TRIP12: variants seen among roughly 807,000 people sequenced by gnomAD.
TRIP12 encodes E3 ubiquitin-protein ligase TRIP12.
Under a neutral mutation model 244.2 loss-of-function variants are expected in TRIP12, and 25 were observed. The ratio of observed to expected loss-of-function variants is 0.10; its 90% confidence interval spans 0.07 to 0.14. TRIP12 has a LOEUF of 0.14. TRIP12 is among the 10% of genes least tolerant of loss of function. TRIP12 has a pLI of 1.00. For missense variants in TRIP12, 1,677 were observed against 2,486.4 expected (o/e 0.67, Z 6.92); for synonymous variants, 905 against 873.1 (o/e 1.04, Z -0.64).
intron 2 of TRIP12, among the ~76,000 whole-genome samples, chr2:229,867,896 GC>G (rs540508471): frequency 5.3e-5 from 8 of 152,112 alleles, no homozygotes; most frequent in African/African-American, 1.9e-4. Flanking sequence ...TACTTTGTAG[GC>G]CCCCCCAAAA....
In TRIP12 at chr2:229,897,829, C is replaced by T. The variant is rs1468446273; in HGVS notation, c.-49-17701G>A. 1.3e-5 allele frequency among the ~76,000 whole-genome samples: 2 copies of T among 152,152 alleles called. 1 individual carries two copies. Among genetic ancestry groups the T allele is most frequent in the Non-Finnish European group, 2.9e-5 (2 of 68,028 alleles). ...ACAACCATGTTTGCCTCCTCTCTCT[C>T]CCCCCTATGTTCCCACAGACTCCTA... On this transcript the variant is annotated intron_variant, in intron 1 of 41. Coordinates refer to ENST00000675903, the MANE Select transcript of TRIP12 (RefSeq NM_001348323.3).
At chr2:229,850,985 G>C in intron 4 of TRIP12, among the ~76,000 whole-genome samples, 1 of 152,228 alleles carries the variant, frequency 6.6e-6, no homozygotes, top group Non-Finnish European at 1.5e-5. Flanking sequence ...AGCCCACCAT[G>C]GCTGAGCCTT....
In TRIP12 at chr2:229,830,790, A is replaced by G. The variant is rs1387032124; in HGVS notation, c.1320T>C (p.Ser440=). 4 of 1,614,088 alleles carry G rather than the reference A, an allele frequency of 2.5e-6. No individual in the cohort carries two copies. Among genetic ancestry groups the G allele is most frequent in the Non-Finnish European group, 3.4e-6 (4 of 1,180,008 alleles). Residue 440 remains serine (S), a synonymous_variant, in exon 7 of 42, where the codon AGT becomes AGC. Coordinates refer to ENST00000675903, the MANE Select transcript of TRIP12 (RefSeq NM_001348323.3). Reference sequence around the variant, plus strand: ...GTCCCATCTCGGAATCATCTGATTCACTCTCCCCAGAGGTGGTCATGCCAA... The same window carrying G: ...GTCCCATCTCGGAATCATCTGATTCGCTCTCCCCAGAGGTGGTCATGCCAA... ...GAVGMTTSGE[S]ESDDSEMGRL...
At chr2:229,783,545 C>CA (rs2038980587) in intron 34 of TRIP12, among the ~76,000 whole-genome samples, 1 of 152,010 alleles carries the variant, frequency 6.6e-6, no homozygotes, top group African/African-American at 2.4e-5. Context: ...TCAGCTTCAT[C>CA]AAAAAACCAC....
chr2:229,907,420 A>C (rs2073135294), intron 1 of TRIP12, among the ~76,000 whole-genome samples: 1 of 152,198 alleles, frequency 6.6e-6, no homozygotes, highest in African/African-American at 2.4e-5. Flanking sequence ...TCAACTCTAA[A>C]ATTCTACCAC....
chr2:229,777,305 C>T lies in TRIP12; in HGVS notation c.5529+10G>A. The T allele has an allele frequency of 6.2e-7, 1 of 1,611,832 alleles. No individual in the cohort carries two copies. The highest frequency in any genetic ancestry group is 8.5e-7 in the Non-Finnish European group (1 of 1,178,416). On this transcript the variant is annotated intron_variant, in intron 37 of 41. Coordinates refer to ENST00000675903, the MANE Select transcript of TRIP12 (RefSeq NM_001348323.3). ...GACTTGATCTACTGGACTGTTTCTT[C>T]TAAGCCTACCTGGGATTTATCTTGT... is the stretch of plus-strand genomic sequence containing the variant.
At position 229,792,072 on chromosome 2, in the gene TRIP12, A is replaced by G. The variant is rs1237800868; in HGVS notation, c.4216-7T>C. On this transcript the variant is annotated splice_polypyrimidine_tract_variant and splice_region_variant and intron_variant, in intron 28 of 41. Transcript: ENST00000675903. ...AATTTAGGAACTGAGCAGCCTGAAT[A>G]AAGCAAAGCAAAAGCCATTTAAGCC... The G allele has an allele frequency of 6.2e-7, 1 of 1,614,076 alleles. No homozygotes were observed. The highest frequency in any genetic ancestry group is 1.7e-5 in the Admixed American group (1 of 60,002).
intron 37 of TRIP12, among the ~76,000 whole-genome samples, chr2:229,775,577 T>C (rs1053629539): frequency 1.3e-5 from 2 of 151,240 alleles, no homozygotes; most frequent in African/African-American, 4.8e-5. Flanking sequence ...TGTTATTAGA[T>C]AGGAATCTAG....
At chr2:229,865,541 T>G (rs574178515) in intron 2 of TRIP12, among the ~76,000 whole-genome samples, 1 of 148,692 alleles carries the variant, frequency 6.7e-6, no homozygotes, top group African/African-American at 2.4e-5. Context: ...AATATATGCA[T>G]GTATTACATA....
chr2:229,914,893 C>G (rs891074220), intron 1 of TRIP12, among the ~76,000 whole-genome samples: 8 of 152,126 alleles, frequency 5.3e-5, no homozygotes, highest in Non-Finnish European at 7.4e-5. Context: ...TAAAAAGAAA[C>G]AAACAGAATA....
rs146239308 is a variant in TRIP12 at position 229,808,674 on chromosome 2, C to T, written c.2222-305G>A. Among the ~76,000 whole-genome samples the T allele has an allele frequency of 7.0e-3, 1,070 of 152,270 alleles. 7 individuals are homozygous for T. Among genetic ancestry groups the T allele is most frequent in the Non-Finnish European group, 0.012 (836 of 68,010 alleles). ...CTTTATTTCTTTCCTTGAGAAGCATCGTACTTTGCACAAAAATGCATTCAA... is the reference window on the plus strand; with the variant it reads ...CTTTATTTCTTTCCTTGAGAAGCATTGTACTTTGCACAAAAATGCATTCAA... On this transcript the variant is annotated intron_variant, in intron 15 of 41. Coordinates refer to ENST00000675903, the MANE Select transcript of TRIP12 (RefSeq NM_001348323.3).
At chr2:229,780,413 C>G (rs938879745) in intron 34 of TRIP12, among the ~76,000 whole-genome samples, 8 of 152,238 alleles carry the variant, frequency 5.3e-5, no homozygotes, top group Non-Finnish European at 1.2e-4. Flanking sequence ...TTCCCGACAT[C>G]TTGTATCCCA....
rs1012485887 is a variant in TRIP12, at chr2:229,806,016, A to C, written c.2497-133T>G. The stretch of plus-strand genomic sequence containing the variant: ...GGTTTTAGATGGTGAAGTTAACAGA[A>C]GATGGAATAATAGTGTAGATATGAC... On this transcript the variant is annotated intron_variant, in intron 17 of 41. Coordinates refer to ENST00000675903, the MANE Select transcript of TRIP12 (RefSeq NM_001348323.3). The C allele has an allele frequency of 1.8e-5, 12 of 675,236 alleles. No homozygotes were observed. The Admixed American group carries it at 3.6e-4, about 20-fold the overall frequency. 41.8% of individuals were successfully genotyped at this position (675,236 alleles called of 1,614,324 possible).
rs770690583 is a variant in TRIP12 at position 229,815,261 on chromosome 2, A to G, written c.1635+12T>C. The G allele has an allele frequency of 6.6e-6, 10 of 1,505,390 alleles. No individual in the cohort carries two copies. The highest frequency in any genetic ancestry group is 5.2e-5 in the Admixed American group (3 of 57,712). 93.3% of individuals were successfully genotyped at this position (1,505,390 alleles called of 1,614,324 possible). A position where few individuals can be genotyped will look rare whatever the true frequency, so the allele number is the denominator to read the frequency against. On this transcript the variant is annotated intron_variant, in intron 10 of 41. Transcript: ENST00000675903. ...AAATATACACCATTAAAAAAATACA[A>G]TATATACTTACAATATCAAAATTGT...
Position 229,797,788 on chromosome 2 carries a change from C to T in TRIP12, c.3526G>A (p.Val1176Ile), listed in dbSNP as rs915172067. 5.0e-6 allele frequency: 8 copies of T among 1,613,942 alleles called. No individual in the cohort carries two copies. The highest frequency in any genetic ancestry group is 6.8e-6 in the Non-Finnish European group (8 of 1,179,922). The change falls in exon 24 of 42, where the codon GTA becomes ATA. Residue 1176 changes from valine (V) to isoleucine (I), a missense_variant. By Grantham distance (29) the Val-to-Ile change is conservative. Transcript: ENST00000675903. The part of the protein sequence containing the change: ...GWIKEQAHKF[V>I]ERYFSSENMD... ...TTCTCAGAACTGAAATAACGTTCTACAAATTTATGTGCCTGCTCCTTAATC... is the reference window on the plus strand; with the variant it reads ...TTCTCAGAACTGAAATAACGTTCTATAAATTTATGTGCCTGCTCCTTAATC...
intron 6 of TRIP12, among the ~76,000 whole-genome samples, chr2:229,835,069 A>G (rs569550187): frequency 1.3e-5 from 2 of 152,344 alleles, no homozygotes; most frequent in African/African-American, 4.8e-5. Flanking sequence ...ACTAAAGCAC[A>G]TTATCATGAA....
Position 229,799,317 on chromosome 2 carries a change from T to C in TRIP12, c.3273A>G (p.Ser1091=). 2 of 1,614,104 alleles carry C rather than the reference T, an allele frequency of 1.2e-6. No individual in the cohort carries two copies. Among genetic ancestry groups the C allele is most frequent in the South Asian group, 1.1e-5 (1 of 91,080 alleles). ...CTACTTTGTCATCATCTCTTGGAGG[T>C]GAGTACTTTGGCCTTCTTGGCCCTC... ...PKRGPRRPKY[S]PPRDDDKVDN... is the part of the protein sequence containing the mutation. Residue 1091 remains serine, a synonymous_variant, in exon 22 of 42, where the codon TCA becomes TCG. Transcript: ENST00000675903.
intron 13 of TRIP12, among the ~76,000 whole-genome samples, chr2:229,812,317 G>C (rs1009280994): frequency 3.9e-5 from 6 of 152,108 alleles, no homozygotes; most frequent in African/African-American, 1.4e-4. Context: ...TTGACCTCAG[G>C]TGATCCACCT....
In TRIP12 at chr2:229,818,529, A is replaced by T. The variant is rs895657146; in HGVS notation, c.1451-17T>A. 5.2e-5 allele frequency: 83 copies of T among 1,607,576 alleles called. No individual in the cohort carries two copies. The highest frequency in any genetic ancestry group is 6.6e-5 in the Non-Finnish European group (78 of 1,177,080). On this transcript the variant is annotated splice_polypyrimidine_tract_variant and intron_variant, in intron 8 of 41. Coordinates refer to ENST00000675903, the MANE Select transcript of TRIP12 (RefSeq NM_001348323.3). ...CCTTAGAACCTTTAGAGAAAAAAAT[A>T]ATTATTATCTTTAAACATTTAAGAA...
Sources: gnomAD v4.1 joint callset for allele counts (sites outside exome capture counted in the v4.1 genomes callset) on GRCh38, gnomAD v4.1.1 for gene constraint, MANE v1.5 for transcripts, NCBI Gene and HGNC (gene_info 2026-07-23, HGNC 2026-07-21) for gene names.